The following IFT57 variants were observed in gnomAD, a reference collection of about 807,000 sequenced individuals.
The protein encoded by IFT57 is intraflagellar transport 57, also known as intraflagellar transport protein 57 homolog.
In IFT57, 59 loss-of-function variants were observed where a neutral mutation model predicts 56.8. That is an observed-to-expected ratio of 1.04 (90% CI 0.84 to 1.29). IFT57 has a LOEUF of 1.29. IFT57 is among the 50% of genes most tolerant of loss of function. The probability of loss-of-function intolerance (pLI) is 0.00; values close to 1 mark genes in which losing one functional copy is unlikely to be tolerated. For synonymous variants in IFT57, 209 were observed against 186.1 expected (o/e 1.12, Z -1.00); for missense variants, 470 against 522.1 (o/e 0.90, Z 0.97).
At position 108,210,332 on chromosome 3, in the gene IFT57, C is replaced by CTTTTTTTTT. The variant is rs35896793; in HGVS notation, c.585+3590_585+3598dup. Among the ~76,000 whole-genome samples the CTTTTTTTTT allele has an allele frequency of 2.6e-3, 277 of 107,968 alleles. 2 individuals carry two copies. The highest frequency in any genetic ancestry group is 3.1e-3 in the African/African-American group (86 of 28,048). 70.8% of individuals were successfully genotyped at this position (107,968 alleles called of 152,430 possible). ...CAGAACTTTGACTGTCAGAAATAAT[C>CTTTTTTTTT]TTTTTTTTTTTTTTTTTTTGAGACA... On this transcript the variant is annotated intron_variant, in intron 4 of 10. Coordinates refer to ENST00000264538, the MANE Select transcript of IFT57 (RefSeq NM_018010.4).
intron 4 of IFT57, among the ~76,000 whole-genome samples, chr3:108,213,132 C>CA (rs1271202477): frequency 2.0e-5 from 3 of 151,806 alleles, no homozygotes; most frequent in Non-Finnish European, 4.4e-5. Flanking sequence ...AATACATAGA[C>CA]AAAATATGTG....
chr3:108,162,805 G>T, intron 10 of IFT57, 150 bp from the exon 11 acceptor site: 1 of 598,842 alleles, frequency 1.7e-6, no homozygotes, highest in Non-Finnish European at 2.7e-6. Context: ...CAGTTTTGCT[G>T]TGGCATTTTA....
intron 7 of IFT57, 104 bp from the exon 8 acceptor site, chr3:108,167,089 A>G (rs1196328741): frequency 2.0e-5 from 20 of 991,518 alleles, no homozygotes; most frequent in Middle Eastern, 3.1e-4. Flanking sequence ...ATAATCAACT[A>G]CATGTGCAAA....
At chr3:108,215,740 T>C (rs964318495) in intron 3 of IFT57, among the ~76,000 whole-genome samples, 1 of 152,226 alleles carries the variant, frequency 6.6e-6, no homozygotes. Flanking sequence ...TTCATCTATA[T>C]GTAACGTCTA....
At chr3:108,188,490 G>A (rs1196597661) in intron 6 of IFT57, among the ~76,000 whole-genome samples, 1 of 152,066 alleles carries the variant, frequency 6.6e-6, no homozygotes. Context: ...AATCGAATAT[G>A]ACTTTGGTCA....
chr3:108,183,542 C>A lies in IFT57; in HGVS notation c.777+7979G>T, dbSNP rs533950943. Reference sequence around the variant, plus strand: ...TATTATACCCTGCTTCTAGTTTAGCCCACCTGAAGATTACCAGCCATATCT... The same window carrying A: ...TATTATACCCTGCTTCTAGTTTAGCACACCTGAAGATTACCAGCCATATCT... On this transcript the variant is annotated intron_variant, in intron 6 of 10. Coordinates refer to ENST00000264538, the MANE Select transcript of IFT57 (RefSeq NM_018010.4). Among the ~76,000 whole-genome samples the A allele has an allele frequency of 3.3e-5, 5 of 152,250 alleles. No homozygotes were observed. The South Asian group carries it at 1.0e-3, about 32-fold the overall frequency.
intron 6 of IFT57, among the ~76,000 whole-genome samples, chr3:108,190,489 T>C (rs572571553): frequency 3.5e-4 from 54 of 152,332 alleles, no homozygotes; most frequent in African/African-American, 1.3e-3. Flanking sequence ...GCATTTCTCC[T>C]GCTCACTTCT....
At chr3:108,199,921 G>C (rs2108321071) in intron 5 of IFT57, among the ~76,000 whole-genome samples, 1 of 152,260 alleles carries the variant, frequency 6.6e-6, no homozygotes, top group African/African-American at 2.4e-5. Flanking sequence ...TTTTAGAAAA[G>C]AGACAATAGG....
In IFT57 at chr3:108,162,028, AG is replaced by A. The variant is rs948888007; in HGVS notation, c.*448del. ...TTAGGTAACCATAAAGCTGAGGCAAAGGCAGTTTGGGTTCTTGGAAAGAATC... is the reference window on the plus strand; with the variant it reads ...TTAGGTAACCATAAAGCTGAGGCAAAGCAGTTTGGGTTCTTGGAAAGAATC... On this transcript the variant is annotated 3_prime_UTR_variant, in exon 11 of 11. Transcript: ENST00000264538. The A allele has an allele frequency of 2.0e-5, 3 of 152,778 alleles. No individual in the cohort carries two copies. Among genetic ancestry groups the A allele is most frequent in the African/African-American group, 7.2e-5 (3 of 41,596 alleles). 9.5% of individuals were successfully genotyped at this position (152,778 alleles called of 1,614,324 possible).
intron 6 of IFT57, among the ~76,000 whole-genome samples, chr3:108,171,371 C>T (rs11928715): frequency 0.092 from 13,925 of 151,704 alleles, 706 homozygotes; most frequent in Middle Eastern, 0.12. Flanking sequence ...GGCAGTTTGA[C>T]GTAAAGAAAG....
chr3:108,184,596 G>A (rs562055960), intron 6 of IFT57, among the ~76,000 whole-genome samples: 3 of 152,190 alleles, frequency 2.0e-5, no homozygotes, highest in South Asian at 4.2e-4. Flanking sequence ...ACCATTTACA[G>A]TTGAGAGAAA....
chr3:108,193,833 G>T (rs2080229040), intron 5 of IFT57, among the ~76,000 whole-genome samples: 1 of 152,182 alleles, frequency 6.6e-6, no homozygotes, highest in Non-Finnish European at 1.5e-5. Context: ...ATGTTTGGAA[G>T]AACTAGGCAT....
At chr3:108,215,267 A>T (rs62267897) in intron 3 of IFT57, among the ~76,000 whole-genome samples, 13,912 of 152,226 alleles carry the variant, frequency 0.091, 699 homozygotes, top group Middle Eastern at 0.12. Flanking sequence ...ACTTGTATTA[A>T]AAACTTGTAC....
At chr3:108,170,010 G>A (rs2080084465) in intron 6 of IFT57, among the ~76,000 whole-genome samples, 1 of 151,844 alleles carries the variant, frequency 6.6e-6, no homozygotes, top group Non-Finnish European at 1.5e-5. Flanking sequence ...AAAATAATAA[G>A]AGCTATTTAT....
rs2080408454 is a variant in IFT57 at position 108,221,951 on chromosome 3, A to G, written c.212+160T>C. The G allele has an allele frequency of 9.3e-6, 13 of 1,398,444 alleles. No homozygotes were observed. In the East Asian group the frequency reaches 3.3e-4, roughly 35 times the overall value. The allele number at this position is 1,398,444 out of a possible 1,614,324, so 86.6% of individuals were successfully genotyped here. ...AGTCAGGGCTGCGTGAGCTCCACGG[A>G]CCTCCCGGGAGTTTGGGGTGAAGTG... On this transcript the variant is annotated intron_variant, in intron 1 of 10. Transcript: ENST00000264538.
At chr3:108,192,909 TG>T (rs2080224168) in intron 5 of IFT57, among the ~76,000 whole-genome samples, 2 of 47,776 alleles carry the variant, frequency 4.2e-5, no homozygotes, top group South Asian at 1.3e-3. Flanking sequence ...ACAAAATGTC[TG>T]AATTTTACTT....
chr3:108,206,477 T>C, intron 5 of IFT57, 151 bp downstream of exon 5: 1 of 324,390 alleles, frequency 3.1e-6, no homozygotes, highest in Non-Finnish European at 5.7e-6. Flanking sequence ...GCTATAATTA[T>C]AACATTTTAT....
rs1315067373 is a variant in IFT57, at chr3:108,219,560, T to C, written c.225A>G (p.Ala75=). The C allele has an allele frequency of 1.2e-6, 2 of 1,613,674 alleles. No homozygotes were observed. The highest frequency in any genetic ancestry group is 1.7e-6 in the Non-Finnish European group (2 of 1,179,688). ...ACTGTTCGCCAGGGTTGGTAGGCAG[T>C]GCAAAATAGTGTCTGTTTCAAAACA... ...NLKAPSRHYF[A]LPTNPGEQFY... is the part of the protein sequence containing the mutation. The change falls in exon 2 of 11, where the codon GCA becomes GCG. Residue 75 remains alanine (A), a synonymous_variant. Coordinates refer to ENST00000264538, the MANE Select transcript of IFT57 (RefSeq NM_018010.4).
chr3:108,184,310 G>T (rs1427997078), intron 6 of IFT57, among the ~76,000 whole-genome samples: 1 of 151,820 alleles, frequency 6.6e-6, no homozygotes, highest in Non-Finnish European at 1.5e-5. Context: ...AAACAACACT[G>T]GTTTCAACTC....
Sources: gnomAD v4.1 joint callset for allele counts (sites outside exome capture counted in the v4.1 genomes callset) on GRCh38, gnomAD v4.1.1 for gene constraint, MANE v1.5 for transcripts, NCBI Gene and HGNC (gene_info 2026-07-23, HGNC 2026-07-21) for gene names.